Variants in PTAFR observed in about 807,000 individuals in gnomAD.
PTAFR encodes platelet-activating factor receptor.
Under a neutral mutation model 14.7 loss-of-function variants are expected in PTAFR, and 8 were observed. That is an observed-to-expected ratio of 0.54 (90% CI 0.32 to 0.98). PTAFR has a LOEUF of 0.98. Ranked by LOEUF, PTAFR falls within the 50% of genes least tolerant of loss-of-function variation. The probability of loss-of-function intolerance (pLI) is 0.04; values close to 1 mark genes in which losing one functional copy is unlikely to be tolerated. For missense variants in PTAFR, 337 were observed against 451.2 expected (o/e 0.75, Z 2.29); for synonymous variants, 156 against 176.5 (o/e 0.88, Z 0.92).
At chr1:28,161,970 C>T (rs1038110637) in intron 1 of PTAFR, among the ~76,000 whole-genome samples, 2 of 152,186 alleles carry the variant, frequency 1.3e-5, no homozygotes, top group Non-Finnish European at 2.9e-5. Context: ...ATAATTTCAT[C>T]ATGTTCTGAA....
Position 28,169,373 on chromosome 1 carries a change from A to G in PTAFR, c.-39+7219T>C, listed in dbSNP as rs532004652. Reference sequence around the variant, plus strand: ...TTGTGTATTTTTAAGTTAGAGTCATATGACTCAGTTTATGACTTAAAAGCT... The same window carrying G: ...TTGTGTATTTTTAAGTTAGAGTCATGTGACTCAGTTTATGACTTAAAAGCT... On this transcript the variant is annotated intron_variant, in intron 1 of 1. Transcript: ENST00000373857. Among the ~76,000 whole-genome samples the G allele has an allele frequency of 9.9e-5, 15 of 152,232 alleles. No homozygotes were observed. The South Asian group carries it at 2.7e-3, about 27-fold the overall frequency.
chr1:28,191,016 C>T (rs921966328), intron 1 of PTAFR, among the ~76,000 whole-genome samples: 1 of 152,242 alleles, frequency 6.6e-6, no homozygotes, highest in Admixed American at 6.5e-5. Flanking sequence ...ATTCTCCTCT[C>T]TTTTCTCCTC....
At chr1:28,176,444 C>CAAAAAAAAAAAAAAAAA (rs532299068) in intron 1 of PTAFR, 148 bp downstream of exon 1, 4 of 71,138 alleles carry the variant, frequency 5.6e-5, no homozygotes, top group Non-Finnish European at 8.0e-5. Context: ...GACCCTGTCT[C>CAAAAAAAAAAAAAAAAA]AAAAAAAAAA....
At chr1:28,188,272 G>A (rs944026887) in intron 1 of PTAFR, among the ~76,000 whole-genome samples, 2 of 152,020 alleles carry the variant, frequency 1.3e-5, no homozygotes, top group South Asian at 2.1e-4. Flanking sequence ...GTATCAAGAC[G>A]CTGTCTCTAC....
intron 1 of PTAFR, among the ~76,000 whole-genome samples, chr1:28,162,881 C>T (rs973914093): frequency 6.7e-6 from 1 of 150,222 alleles, no homozygotes; most frequent in Non-Finnish European, 1.5e-5. Context: ...GATTCCCAGG[C>T]GATTCGTGCA....
chr1:28,184,086 T>G (rs1274667591), intron 1 of PTAFR, among the ~76,000 whole-genome samples: 8 of 64,236 alleles, frequency 1.2e-4, no homozygotes, highest in African/African-American at 3.6e-4. Flanking sequence ...TAGTCTGTTT[T>G]TTTTTTTTTT....
At chr1:28,171,214 A>G (rs555017043) in intron 1 of PTAFR, among the ~76,000 whole-genome samples, 50 of 149,622 alleles carry the variant, frequency 3.3e-4, no homozygotes, top group Admixed American at 1.2e-3. Context: ...TCCCAGCTAC[A>G]TGGGAGGCTG....
Position 28,150,698 on chromosome 1 carries a change from C to G in PTAFR, c.324G>C (p.Leu108=). The G allele has an allele frequency of 6.2e-7, 1 of 1,614,094 alleles. No homozygotes were observed. The highest frequency in any genetic ancestry group is 8.5e-7 in the Non-Finnish European group (1 of 1,180,020). ...GGAAGCGGTTATAAGTGATGACGCC[C>G]AGGAAGGCCACAGAGCAGTAGGTGT... ...FINTYCSVAF[L]GVITYNRFQA... The change falls in exon 2 of 2, where the codon CTG becomes CTC. Residue 108 remains leucine, a synonymous_variant. Coordinates refer to ENST00000373857, the MANE Select transcript of PTAFR (RefSeq NM_000952.5). This position sits in a 1 kb window ranked among gnomAD's most constrained non-coding sequence, Gnocchi z 6.3.
chr1:28,160,300 AT>A (rs1368196333), intron 1 of PTAFR, among the ~76,000 whole-genome samples: 1 of 151,554 alleles, frequency 6.6e-6, no homozygotes, highest in Non-Finnish European at 1.5e-5. Flanking sequence ...ATGTTTATTT[AT>A]TTAGGTAGGA....
At chr1:28,156,436 T>C (rs1646265026) in intron 1 of PTAFR, among the ~76,000 whole-genome samples, 1 of 152,164 alleles carries the variant, frequency 6.6e-6, no homozygotes, top group African/African-American at 2.4e-5. Flanking sequence ...TAGCCCAACA[T>C]TAAAGAGATG....
upstream of PTAFR, among the ~76,000 whole-genome samples, chr1:28,181,282 C>T (rs1333712164): frequency 2.0e-5 from 3 of 152,116 alleles, no homozygotes; most frequent in Non-Finnish European, 4.4e-5. Context: ...TGTTTGAGCA[C>T]GTACAATTCA....
chr1:28,164,177 T>C (rs1053621864), intron 1 of PTAFR, among the ~76,000 whole-genome samples: 13 of 152,226 alleles, frequency 8.5e-5, no homozygotes, highest in African/African-American at 3.1e-4. Context: ...AGGTATGTGC[T>C]GGTTGATTTC....
intron 1 of PTAFR, among the ~76,000 whole-genome samples, chr1:28,154,836 G>A (rs141599085): frequency 1.3e-5 from 2 of 149,654 alleles, no homozygotes; most frequent in Admixed American, 6.7e-5. Context: ...AAAAAAGTGG[G>A]GGGGGAGGGA....
intron 1 of PTAFR, among the ~76,000 whole-genome samples, chr1:28,156,245 A>G (rs1646262256): frequency 6.6e-6 from 1 of 152,022 alleles, no homozygotes; most frequent in Non-Finnish European, 1.5e-5. Flanking sequence ...CAGCCTGGGC[A>G]ACAAGAACAA....
At chr1:28,160,858 C>T (rs1646315833) in intron 1 of PTAFR, among the ~76,000 whole-genome samples, 1 of 152,168 alleles carries the variant, frequency 6.6e-6, no homozygotes, top group Admixed American at 6.5e-5. Flanking sequence ...CTTCTGCTGC[C>T]TTCTGTTCAA....
rs1646498406 is a variant in PTAFR, at chr1:28,175,107, T to C, written c.-39+1485A>G. ...TTTTGTATTTTTAGTAGAGATGGGG[T>C]TTCACCATGTTCGCCAGGATGGTCT... On this transcript the variant is annotated intron_variant, in intron 1 of 1. Coordinates refer to ENST00000373857, the MANE Select transcript of PTAFR (RefSeq NM_000952.5). Among the ~76,000 whole-genome samples the C allele has an allele frequency of 2.6e-5, 4 of 152,024 alleles. No homozygotes were observed. In the South Asian group the frequency reaches 8.3e-4, roughly 32 times the overall value.
At chr1:28,188,463 G>A (rs1557699719) in intron 1 of PTAFR, among the ~76,000 whole-genome samples, 5 of 151,768 alleles carry the variant, frequency 3.3e-5, no homozygotes, top group African/African-American at 1.2e-4. Context: ...AAACAGGCTG[G>A]GTACAGTGGC....
intron 1 of PTAFR, among the ~76,000 whole-genome samples, chr1:28,172,120 A>C (rs1040008354): frequency 6.6e-6 from 1 of 152,104 alleles, no homozygotes; most frequent in Non-Finnish European, 1.5e-5. Flanking sequence ...GGTTCAAGCG[A>C]TCCTCATGTG....
intron 1 of PTAFR, among the ~76,000 whole-genome samples, chr1:28,155,001 G>A (rs1646247321): frequency 6.6e-6 from 1 of 152,044 alleles, no homozygotes; most frequent in Non-Finnish European, 1.5e-5. Flanking sequence ...TTCCAGGAAC[G>A]GAAATAAGCT....
Sources: gnomAD v4.1 joint callset for allele counts (sites outside exome capture counted in the v4.1 genomes callset) on GRCh38, gnomAD v4.1.1 for gene constraint, Gnocchi (gnomAD v3.1) non-coding constraint, MANE v1.5 for transcripts, NCBI Gene and HGNC (gene_info 2026-07-23, HGNC 2026-07-21) for gene names.